TSPAN15: variants seen among roughly 807,000 people sequenced by gnomAD.
TSPAN15 encodes the protein tetraspanin 15, also known as tetraspanin-15.
Under a neutral mutation model 34.5 loss-of-function variants are expected in TSPAN15, and 20 were observed. That is an observed-to-expected ratio of 0.58 (90% confidence interval 0.41 to 0.84). The LOEUF (loss-of-function observed/expected upper bound fraction) is 0.84, where lower values mean the gene tolerates loss of function less well. TSPAN15 is among the 40% of genes least tolerant of loss of function. TSPAN15 has a pLI of 0.00. For missense variants in TSPAN15, 313 were observed against 386.1 expected (o/e 0.81, Z 1.59); for synonymous variants, 155 against 153.9 (o/e 1.01, Z -0.05).
rs1185358958 is a variant in TSPAN15 at position 69,506,559 on chromosome 10, G to A, written c.736-270G>A. On this transcript the variant is annotated intron_variant, in intron 7 of 7. Transcript: ENST00000373290. The surrounding 1 kb of genome is among the most constrained non-coding windows in gnomAD (Gnocchi z 4.7). ...CTAGATAGTGTGCAGCAGAGCTGGG[G>A]TGGAGGCAGGAATCCCAGAAGGGAG... Among the ~76,000 whole-genome samples the A allele has an allele frequency of 1.3e-5, 2 of 152,240 alleles. No homozygotes were observed. Among genetic ancestry groups the A allele is most frequent in the African/African-American group, 4.8e-5 (2 of 41,464 alleles).
intron 5 of TSPAN15, 125 bp from the exon 6 acceptor site, chr10:69,504,313 A>C: frequency 1.2e-6 from 1 of 801,488 alleles, no homozygotes. Context: ...TCGGAATCTC[A>C]GCTCCATCCC....
chr10:69,504,725 G>A (rs1028759429), intron 6 of TSPAN15, among the ~76,000 whole-genome samples: 2 of 152,160 alleles, frequency 1.3e-5, no homozygotes, highest in African/African-American at 4.8e-5. Context: ...CCTACTGTGG[G>A]CTGTTCCACA....
chr10:69,531,181 G>A, the TSPAN15 span, among the ~76,000 whole-genome samples: 1 of 147,260 alleles, frequency 6.8e-6, no homozygotes, highest in Non-Finnish European at 1.5e-5. Context: ...TTAACACTAT[G>A]TAGACACAAC....
At chr10:69,487,177 C>T (rs999981291) in intron 3 of TSPAN15, among the ~76,000 whole-genome samples, 21 of 151,828 alleles carry the variant, frequency 1.4e-4, no homozygotes, top group Admixed American at 3.3e-4. Flanking sequence ...TCCACCAGCC[C>T]GTGACCCCGG....
intron 1 of TSPAN15, among the ~76,000 whole-genome samples, chr10:69,462,935 G>A (rs1186157590): frequency 2.0e-5 from 3 of 152,216 alleles, no homozygotes; most frequent in African/African-American, 4.8e-5. Context: ...CCATGTGGGC[G>A]AGGAAGGGCT....
intron 5 of TSPAN15, among the ~76,000 whole-genome samples, chr10:69,498,780 A>G (rs1842143312): frequency 6.6e-6 from 1 of 152,208 alleles, no homozygotes; most frequent in African/African-American, 2.4e-5. Flanking sequence ...GTCTTGCCCA[A>G]GGTTGGCAGG....
At chr10:69,511,782 T>C (rs117083755), downstream of TSPAN15, among the ~76,000 whole-genome samples, 11 of 152,326 alleles carry the variant, frequency 7.2e-5, no homozygotes, top group East Asian at 2.1e-3. Flanking sequence ...GTCTTTGTTC[T>C]CATTGCAGGG....
At chr10:69,476,821 C>G (rs1399929604) in intron 1 of TSPAN15, among the ~76,000 whole-genome samples, 1 of 152,018 alleles carries the variant, frequency 6.6e-6, no homozygotes, top group East Asian at 1.9e-4. Flanking sequence ...AGCCCCGTTC[C>G]TCAAGCATAA....
In TSPAN15 at chr10:69,506,364, C is replaced by T; in HGVS notation, c.735+124C>T. The T allele has an allele frequency of 1.1e-6, 1 of 912,490 alleles. No homozygotes were observed. The highest frequency in any genetic ancestry group is 1.7e-6 in the Non-Finnish European group (1 of 591,062). The allele number at this position is 912,490 out of a possible 1,614,324, so 56.5% of individuals were successfully genotyped here. A position where few individuals can be genotyped will look rare whatever the true frequency, so the allele number is the denominator to read the frequency against. ...TCCAGGACTTGCCTGGGGAGGGCTG[C>T]ATGGCTGGAAGGAGGGGCAAATGGC... On this transcript the variant is annotated intron_variant, in intron 7 of 7. Transcript: ENST00000373290. The surrounding 1 kb of genome is among the most constrained non-coding windows in gnomAD (Gnocchi z 4.7).
chr10:69,498,276 T>C lies in TSPAN15; in HGVS notation c.454-4T>C. The C allele has an allele frequency of 6.2e-7, 1 of 1,613,552 alleles. No homozygotes were observed. Among genetic ancestry groups the C allele is most frequent in the Non-Finnish European group, 8.5e-7 (1 of 1,179,662 alleles). On this transcript the variant is annotated splice_polypyrimidine_tract_variant and splice_region_variant and intron_variant, in intron 4 of 7. Coordinates refer to ENST00000373290, the MANE Select transcript of TSPAN15 (RefSeq NM_012339.5). ...AGCTCCTCTTTCCTGCTTGCTTCCC[T>C]CAGTTCAAGTGCTGTGGCGGGGAGG...
At chr10:69,528,420 C>G in the TSPAN15 span, among the ~76,000 whole-genome samples, 21 of 148,546 alleles carry the variant, frequency 1.4e-4, 2 homozygotes, top group Admixed American at 5.5e-4. Context: ...GCAAGGGGCC[C>G]ACCCTGTTTG....
the TSPAN15 span, among the ~76,000 whole-genome samples, chr10:69,545,731 C>T: frequency 1.4e-4 from 21 of 152,092 alleles, 1 homozygote; most frequent in East Asian, 1.2e-3. Flanking sequence ...CGGAGGCAGG[C>T]GAATCACAAA....
At chr10:69,475,942 C>A (rs1185725566) in intron 1 of TSPAN15, among the ~76,000 whole-genome samples, 2 of 151,898 alleles carry the variant, frequency 1.3e-5, no homozygotes, top group Non-Finnish European at 2.9e-5. Flanking sequence ...TATTTAATAA[C>A]ATTAATAAAG....
At chr10:69,517,724 C>T in the TSPAN15 span, among the ~76,000 whole-genome samples, 5 of 152,192 alleles carry the variant, frequency 3.3e-5, no homozygotes, top group East Asian at 1.9e-4. Context: ...GGCCAGGACC[C>T]GGCTGGCACC....
chr10:69,537,412 G>T, the TSPAN15 span, among the ~76,000 whole-genome samples: 1 of 152,196 alleles, frequency 6.6e-6, no homozygotes, highest in African/African-American at 2.4e-5. Context: ...TACCATCTGT[G>T]CTGAAAACTG....
chr10:69,456,193 T>C (rs1294791817), intron 1 of TSPAN15, among the ~76,000 whole-genome samples: 1 of 152,108 alleles, frequency 6.6e-6, no homozygotes, highest in Non-Finnish European at 1.5e-5. Context: ...GCTCAAGCGA[T>C]TCTCCTGCCT....
At chr10:69,507,651 G>GT (rs398014021) in exon 8 of TSPAN15, 19,061 of 998,900 alleles carry the variant, frequency 0.019, 24 homozygotes, top group East Asian at 0.026. Context: ...ATAAAAACAT[G>GT]TTTTTTTTTT....
intron 1 of TSPAN15, among the ~76,000 whole-genome samples, chr10:69,475,259 A>T (rs563874977): frequency 6.6e-6 from 1 of 152,220 alleles, no homozygotes; most frequent in African/African-American, 2.4e-5. Context: ...CCAGACTGGG[A>T]TCATCGCAGA....
At chr10:69,465,524 A>C (rs183391147) in intron 1 of TSPAN15, among the ~76,000 whole-genome samples, 1 of 152,248 alleles carries the variant, frequency 6.6e-6, no homozygotes, top group East Asian at 1.9e-4. Context: ...GCTAACAGTT[A>C]ACGAGCCCTT....
Sources: allele counts gnomAD v4.1 joint callset (sites outside exome capture counted in the v4.1 genomes callset), GRCh38; gene constraint gnomAD v4.1.1; non-coding constraint Gnocchi (gnomAD v3.1); transcripts MANE v1.5; gene names NCBI Gene and HGNC (gene_info 2026-07-23, HGNC 2026-07-21).